The following NEMP2 variants were observed in gnomAD, a reference collection of about 807,000 sequenced individuals.
NEMP2 encodes UPF0571 transmembrane protein.
Under a neutral mutation model 54.2 loss-of-function variants are expected in NEMP2, and 53 were observed. The observed-to-expected ratio is 0.98, with a 90% CI of 0.78 to 1.23. The LOEUF is 1.23. Ranked by LOEUF, NEMP2 falls within the 50% of genes most tolerant of loss-of-function variation. The probability of loss-of-function intolerance (pLI) is 0.00; values close to 1 mark genes in which losing one functional copy is unlikely to be tolerated. For missense variants in NEMP2, 455 were observed against 511.3 expected, an observed-to-expected ratio of 0.89 and a Z score of 1.06; for synonymous variants, 197 against 190.3, an observed-to-expected ratio of 1.04 and a Z score of -0.29.
Position 190,519,259 on chromosome 2 carries a change from T to C in NEMP2, c.214-76A>G, listed in dbSNP as rs1690672651. The stretch of plus-strand genomic sequence containing the variant: ...GTTTTGGAGACAGGGTCTCCCTCTG[T>C]TGCCCAGAATGGAGTGCAGTGGCAG... On this transcript the variant is annotated intron_variant, in intron 2 of 8. Transcript: ENST00000409150. The surrounding 1 kb of genome is among the most constrained non-coding windows in gnomAD (Gnocchi z 5.4). 2.9e-6 allele frequency: 3 copies of C among 1,036,782 alleles called. No individual in the cohort carries two copies. The highest frequency in any genetic ancestry group is 3.2e-5 in the African/African-American group (2 of 62,806). The allele number at this position is 1,036,782 out of a possible 1,614,324, so 64.2% of individuals were successfully genotyped here.
Position 190,508,147 on chromosome 2 carries a change from T to C in NEMP2, c.*1042A>G, listed in dbSNP as rs1259658079. On this transcript the variant is annotated 3_prime_UTR_variant, in exon 9 of 9. Transcript: ENST00000409150. The surrounding 1 kb of genome is among the most constrained non-coding windows in gnomAD (Gnocchi z 4.3). ...TAAATGGATCAGTCAATTCAAAATA[T>C]CACAAGAGCTTAAGTGCCTTCAATT... The C allele has an allele frequency of 6.6e-6, 1 of 152,176 alleles. No homozygotes were observed. The highest frequency in any genetic ancestry group is 1.5e-5 in the Non-Finnish European group (1 of 68,030). 9.4% of individuals were successfully genotyped at this position (152,176 alleles called of 1,614,324 possible). A position where few individuals can be genotyped will look rare whatever the true frequency, so the allele number is the denominator to read the frequency against.
At chr2:190,646,029 C>G in the NEMP2 span, among the ~76,000 whole-genome samples, 1 of 152,170 alleles carries the variant, frequency 6.6e-6, no homozygotes, top group Non-Finnish European at 1.5e-5. Flanking sequence ...TCTTGGTGCT[C>G]AACAAGCTGT....
chr2:190,643,029 T>TTG, the NEMP2 span, among the ~76,000 whole-genome samples: 1 of 149,410 alleles, frequency 6.7e-6, no homozygotes, highest in Non-Finnish European at 1.5e-5. Flanking sequence ...TAAGGTTTTT[T>TTG]TTTTTTTTTT....
At chr2:190,466,199 G>C in the NEMP2 span, among the ~76,000 whole-genome samples, 1 of 152,098 alleles carries the variant, frequency 6.6e-6, no homozygotes, top group African/African-American at 2.4e-5. Flanking sequence ...CCTCTTCTAA[G>C]GCTATATTTC....
chr2:190,424,997 A>T, the NEMP2 span, among the ~76,000 whole-genome samples: 1 of 152,216 alleles, frequency 6.6e-6, no homozygotes, highest in South Asian at 2.1e-4. This position sits in a 1 kb window ranked among gnomAD's most constrained non-coding sequence, Gnocchi z 5.9. Context: ...ATTCATAAAC[A>T]TGGATCCATT....
At chr2:190,436,567 C>T in the NEMP2 span, 1,293 of 1,614,172 alleles carry the variant, frequency 8.0e-4, 7 homozygotes, top group African/African-American at 0.016. This position sits in a 1 kb window ranked among gnomAD's most constrained non-coding sequence, Gnocchi z 5.3. Context: ...AACTATCCTG[C>T]CAACAAATTC....
At chr2:190,616,092 G>C in the NEMP2 span, among the ~76,000 whole-genome samples, 1 of 152,280 alleles carries the variant, frequency 6.6e-6, no homozygotes, top group Non-Finnish European at 1.5e-5. This position sits in a 1 kb window ranked among gnomAD's most constrained non-coding sequence, Gnocchi z 5.1. Flanking sequence ...TCAGGCCCGA[G>C]TTCCTGCCAC....
the NEMP2 span, among the ~76,000 whole-genome samples, chr2:190,541,443 G>C: frequency 1.3e-5 from 2 of 152,002 alleles, no homozygotes; most frequent in Non-Finnish European, 2.9e-5. The surrounding 1 kb of genome is among the most constrained non-coding windows in gnomAD (Gnocchi z 5.2). Context: ...ACTTTCATTT[G>C]TTTCAAGAAA....
At chr2:190,488,947 T>G in the NEMP2 span, 2 of 957,536 alleles carry the variant, frequency 2.1e-6, no homozygotes, top group South Asian at 2.1e-5. The surrounding 1 kb of genome is among the most constrained non-coding windows in gnomAD (Gnocchi z 6.4). Context: ...TCATAATCTC[T>G]TTCTAGATTT....
chr2:190,475,871 C>T, the NEMP2 span, among the ~76,000 whole-genome samples: 2 of 151,998 alleles, frequency 1.3e-5, no homozygotes, highest in African/African-American at 4.8e-5. Flanking sequence ...GAGATATAGA[C>T]CAATGGAACA....
the NEMP2 span, among the ~76,000 whole-genome samples, chr2:190,440,655 AATTT>A: frequency 1.3e-5 from 2 of 152,196 alleles, no homozygotes; most frequent in African/African-American, 4.8e-5. Context: ...ATTTGATTTA[AATTT>A]ATTTACATTT....
chr2:190,431,604 C>A, the NEMP2 span, among the ~76,000 whole-genome samples: 15 of 152,164 alleles, frequency 9.9e-5, 1 homozygote, highest in Admixed American at 9.8e-4. This position sits in a 1 kb window ranked among gnomAD's most constrained non-coding sequence, Gnocchi z 4.4. Context: ...ACTTGGCAGG[C>A]TGAGGCAGGG....
chr2:190,623,284 C>A, the NEMP2 span, among the ~76,000 whole-genome samples: 3 of 151,948 alleles, frequency 2.0e-5, no homozygotes, highest in Non-Finnish European at 2.9e-5. Context: ...ATCAAAATAC[C>A]AATGACATTC....
At chr2:190,424,965 T>C in the NEMP2 span, among the ~76,000 whole-genome samples, 1 of 152,254 alleles carries the variant, frequency 6.6e-6, no homozygotes, top group Non-Finnish European at 1.5e-5. This position sits in a 1 kb window ranked among gnomAD's most constrained non-coding sequence, Gnocchi z 5.9. Context: ...TAAACCTGTA[T>C]ATCAATTTGA....
the NEMP2 span, chr2:190,464,990 A>T: frequency 1.3e-6 from 1 of 765,140 alleles, no homozygotes; most frequent in Non-Finnish European, 1.6e-6. Flanking sequence ...CTACACTGTT[A>T]GGAATTACAG....
At position 190,532,409 on chromosome 2, in the gene NEMP2, G is replaced by T. The variant is rs1285448382; in HGVS notation, c.97+2150C>A. Among the ~76,000 whole-genome samples, 3 of 152,108 alleles carry T rather than the reference G, an allele frequency of 2.0e-5. No homozygotes were observed. In the East Asian group the frequency reaches 5.8e-4, roughly 29 times the overall value. On this transcript the variant is annotated intron_variant, in intron 1 of 8. Coordinates refer to ENST00000409150, the MANE Select transcript of NEMP2 (RefSeq NM_001142645.2). Reference sequence around the variant, plus strand: ...GAATCTTAAAGCTGTGGTGTCAAATGGACTGTTATAGTTTAAGCCTGGAAA... The same window carrying T: ...GAATCTTAAAGCTGTGGTGTCAAATTGACTGTTATAGTTTAAGCCTGGAAA...
In NEMP2 at chr2:190,530,562, G is replaced by C. The variant is rs1365273678; in HGVS notation, c.97+3997C>G. 6.6e-6 allele frequency among the ~76,000 whole-genome samples: 1 copy of C among 152,160 alleles called. No homozygotes were observed. The highest frequency in any genetic ancestry group is 6.5e-5 in the Admixed American group (1 of 15,272). ...CACAGCTGGCCCACTGTTCTCTCTA[G>C]AGAGAACAGATCTTCCAATCTTAGA... On this transcript the variant is annotated intron_variant, in intron 1 of 8. Transcript: ENST00000409150. The surrounding 1 kb of genome is among the most constrained non-coding windows in gnomAD (Gnocchi z 4.6).
chr2:190,510,471 C>T lies in NEMP2; in HGVS notation c.1020G>A (p.Arg340=), dbSNP rs1452661019. The T allele has an allele frequency of 2.6e-6, 4 of 1,551,764 alleles. No homozygotes were observed. In the African/African-American group the frequency reaches 5.5e-5, roughly 21 times the overall value. ...TGTTCGTTTCAGCATCAGCTTGCTC[C>T]CTGTACTCGTCTTCCGTAAGATATT... The part of the protein sequence containing the change: ...VVKYLTEDEY[R]EQADAETNSA... The change falls in exon 8 of 9, where the codon AGG becomes AGA. Residue 340 remains arginine, a synonymous_variant. Transcript: ENST00000409150. This position sits in a 1 kb window ranked among gnomAD's most constrained non-coding sequence, Gnocchi z 5.7.
chr2:190,634,011 A>G, the NEMP2 span, among the ~76,000 whole-genome samples: 3 of 152,180 alleles, frequency 2.0e-5, no homozygotes, highest in African/African-American at 7.2e-5. The surrounding 1 kb of genome is among the most constrained non-coding windows in gnomAD (Gnocchi z 6.8). Flanking sequence ...GTTTGAGGTT[A>G]CAGTGAGCTA....
Sources: allele counts gnomAD v4.1 joint callset (sites outside exome capture counted in the v4.1 genomes callset), GRCh38; gene constraint gnomAD v4.1.1; non-coding constraint Gnocchi (gnomAD v3.1); transcripts MANE v1.5; gene names NCBI Gene and HGNC (gene_info 2026-07-23, HGNC 2026-07-21).